Variants in CNTLN observed in about 807,000 individuals in gnomAD.
The protein encoded by CNTLN is centlein, centrosomal protein.
CNTLN carries 212 observed loss-of-function variants against 180.0 expected under a neutral mutation model. That is an observed-to-expected ratio of 1.18 (90% CI 1.05 to 1.32). CNTLN has a LOEUF of 1.32. CNTLN is among the 40% of genes most tolerant of loss of function. The probability of loss-of-function intolerance (pLI) is 0.00; values close to 1 mark genes in which losing one functional copy is unlikely to be tolerated. For missense variants in CNTLN, 2,095 were observed against 1,610.9 expected (o/e 1.30, Z -5.14); for synonymous variants, 722 against 563.1 (o/e 1.28, Z -3.99).
chr9:17,139,445 G>A (rs1254204295), intron 1 of CNTLN, among the ~76,000 whole-genome samples: 1 of 151,906 alleles, frequency 6.6e-6, no homozygotes, highest in Non-Finnish European at 1.5e-5. Flanking sequence ...CGGATCACTT[G>A]AGGTTGGGAG....
intron 6 of CNTLN, among the ~76,000 whole-genome samples, chr9:17,276,962 C>A (rs562377569): frequency 1.3e-5 from 2 of 152,006 alleles, no homozygotes; most frequent in Non-Finnish European, 2.9e-5. Flanking sequence ...TAATGATGTA[C>A]ATGTCTGTAA....
intron 13 of CNTLN, among the ~76,000 whole-genome samples, chr9:17,378,072 G>T (rs145793474): frequency 6.6e-6 from 1 of 151,846 alleles, no homozygotes; most frequent in South Asian, 2.1e-4. Flanking sequence ...TTTTTTGTCC[G>T]GCCTTCATAT....
chr9:17,324,360 T>C lies in CNTLN; in HGVS notation c.1342-6272T>C, dbSNP rs535994437. ...AGGCTTATAACATATTTTGGAAAAA[T>C]CTGAATGTGTTTTATTTTGCTATTT... is the stretch of plus-strand genomic sequence containing the variant. On this transcript the variant is annotated intron_variant, in intron 8 of 25. Coordinates refer to ENST00000380647, the MANE Select transcript of CNTLN (RefSeq NM_017738.4). 1.4e-4 allele frequency among the ~76,000 whole-genome samples: 21 copies of C among 152,288 alleles called. No homozygotes were observed. The South Asian group carries it at 3.7e-3, about 27-fold the overall frequency.
intron 25 of CNTLN, chr9:17,494,807 T>C (rs1230062394): frequency 1.1e-5 from 4 of 369,464 alleles, no homozygotes; most frequent in South Asian, 4.2e-5. Flanking sequence ...TATACAATTA[T>C]GTACTGCACA....
At chr9:17,322,454 C>T (rs1819984110) in intron 8 of CNTLN, among the ~76,000 whole-genome samples, 2 of 152,094 alleles carry the variant, frequency 1.3e-5, no homozygotes, top group Non-Finnish European at 1.5e-5. Context: ...AATAGATATT[C>T]TGATATTTCA....
At chr9:17,390,868 C>T (rs1826059696) in intron 14 of CNTLN, among the ~76,000 whole-genome samples, 1 of 152,050 alleles carries the variant, frequency 6.6e-6, no homozygotes, top group Admixed American at 6.6e-5. Flanking sequence ...ATTAAACATA[C>T]ATTCATATTA....
chr9:17,448,911 G>C (rs1285460870), intron 18 of CNTLN, among the ~76,000 whole-genome samples: 2 of 152,170 alleles, frequency 1.3e-5, no homozygotes, highest in African/African-American at 4.8e-5. Context: ...GCAGGAGAAG[G>C]AGAGTGAAAA....
intron 5 of CNTLN, among the ~76,000 whole-genome samples, chr9:17,246,531 A>G (rs1056939698): frequency 6.6e-6 from 1 of 152,198 alleles, no homozygotes; most frequent in Non-Finnish European, 1.5e-5. Flanking sequence ...ACTAAGGCCC[A>G]TGGATACCAC....
chr9:17,433,867 T>C (rs1326621563), intron 18 of CNTLN, among the ~76,000 whole-genome samples: 2 of 152,226 alleles, frequency 1.3e-5, no homozygotes, highest in Non-Finnish European at 2.9e-5. Flanking sequence ...AGGCATGAAC[T>C]ACCATGCCCA....
In CNTLN at chr9:17,290,430, C is replaced by T. The variant is rs200062521; in HGVS notation, c.984-7760C>T. 1.4e-3 allele frequency among the ~76,000 whole-genome samples: 214 copies of T among 148,168 alleles called. 1 individual carries two copies. Among genetic ancestry groups the T allele is most frequent in the African/African-American group, 4.7e-3 (189 of 40,086 alleles). ...TCTTCAAAGCTGTCAGACAGGGACA[C>T]TTAAGTCTGCAGAGGTTACTGCTGT... On this transcript the variant is annotated intron_variant, in intron 6 of 25. Coordinates refer to ENST00000380647, the MANE Select transcript of CNTLN (RefSeq NM_017738.4).
chr9:17,491,123 T>A (rs1249287144), intron 25 of CNTLN, among the ~76,000 whole-genome samples: 3 of 152,124 alleles, frequency 2.0e-5, no homozygotes, highest in Non-Finnish European at 4.4e-5. Flanking sequence ...AAAGGTCATT[T>A]TTAGGCCTTT....
intron 5 of CNTLN, among the ~76,000 whole-genome samples, chr9:17,258,508 T>C (rs2132337692): frequency 6.6e-6 from 1 of 151,504 alleles, no homozygotes; most frequent in Middle Eastern, 3.4e-3. Context: ...TTTCCAATTC[T>C]GTGAAGAAAG....
intron 18 of CNTLN, among the ~76,000 whole-genome samples, chr9:17,427,329 A>G (rs1268370510): frequency 6.7e-6 from 1 of 149,024 alleles, no homozygotes; most frequent in Non-Finnish European, 1.5e-5. Context: ...CGAAAAGAAT[A>G]CTTGATATCA....
At chr9:17,351,879 C>G (rs941615533) in intron 12 of CNTLN, among the ~76,000 whole-genome samples, 5 of 152,242 alleles carry the variant, frequency 3.3e-5, no homozygotes, top group African/African-American at 1.2e-4. Flanking sequence ...TGAATATCAG[C>G]TCCCCCCTTT....
intron 2 of CNTLN, 138 bp downstream of exon 2, chr9:17,143,514 T>C (rs1818248119): frequency 1.8e-6 from 1 of 550,382 alleles, no homozygotes; most frequent in South Asian, 2.1e-5. Flanking sequence ...AAAAATTAAA[T>C]TGTTGGATTT....
At chr9:17,276,110 C>T (rs865894708) in intron 6 of CNTLN, among the ~76,000 whole-genome samples, 2 of 152,062 alleles carry the variant, frequency 1.3e-5, no homozygotes, top group African/African-American at 2.4e-5. Flanking sequence ...TAGTACTACA[C>T]ATATACCCCC....
At chr9:17,368,014 C>A (rs1377637189) in intron 13 of CNTLN, among the ~76,000 whole-genome samples, 1 of 152,142 alleles carries the variant, frequency 6.6e-6, no homozygotes, top group Non-Finnish European at 1.5e-5. Flanking sequence ...CCAGCTCATC[C>A]ACAATGAAGT....
intron 2 of CNTLN, among the ~76,000 whole-genome samples, chr9:17,179,533 G>A (rs1216124838): frequency 6.6e-6 from 1 of 152,168 alleles, no homozygotes; most frequent in Non-Finnish European, 1.5e-5. Flanking sequence ...GTCAGAGAAT[G>A]TACTCTGTGA....
At chr9:17,395,744 A>G (rs10810783) in intron 15 of CNTLN, among the ~76,000 whole-genome samples, 119,406 of 152,118 alleles carry the variant, frequency 0.78, 48,065 homozygotes, top group Non-Finnish European at 0.87. Context: ...CTAAAAATCT[A>G]TAATGCTTCT....
Sources: allele counts gnomAD v4.1 joint callset (sites outside exome capture counted in the v4.1 genomes callset), GRCh38; gene constraint gnomAD v4.1.1; transcripts MANE v1.5; gene names NCBI Gene and HGNC (gene_info 2026-07-23, HGNC 2026-07-21).